The following KIF17 variants were observed in gnomAD, a reference collection of about 807,000 sequenced individuals.
KIF17 encodes the protein kinesin-like protein KIF17.
KIF17 carries 80 observed loss-of-function variants against 96.8 expected under a neutral mutation model. That is an observed-to-expected ratio of 0.83 (90% confidence interval 0.69 to 1.00). The LOEUF (loss-of-function observed/expected upper bound fraction) is 1.00. Ranked by LOEUF, KIF17 falls within the 50% of genes least tolerant of loss-of-function variation. The pLI, the probability that KIF17 is intolerant of heterozygous loss-of-function variation, is 0.00. For synonymous variants in KIF17, 567 were observed against 587.5 expected, an observed-to-expected ratio of 0.97 and a Z score of 0.51; for missense variants, 1,280 against 1,372.9, an observed-to-expected ratio of 0.93 and a Z score of 1.07.
chr1:20,683,277 A>G (rs1045310698), intron 10 of KIF17, among the ~76,000 whole-genome samples: 12 of 152,240 alleles, frequency 7.9e-5, no homozygotes, highest in Admixed American at 2.6e-4. Context: ...ACAATATTTA[A>G]TCAGGCAGGG....
chr1:20,713,628 G>T, intron 2 of KIF17, 73 bp from the exon 3 acceptor site: 1 of 1,139,648 alleles, frequency 8.8e-7, no homozygotes, highest in Non-Finnish European at 1.3e-6. Context: ...TGACCCTGGG[G>T]CCTGGGCCCT....
Position 20,687,574 on chromosome 1 carries a change from C to T in KIF17, c.1752G>A (p.Glu584=). 1 of 1,614,010 alleles carries T rather than the reference C, an allele frequency of 6.2e-7. No homozygotes were observed. The highest frequency in any genetic ancestry group is 8.5e-7 in the Non-Finnish European group (1 of 1,179,952). ...GTTCCCCCAGCAGGTGCCCAGCGGCCTCCTGCCCGAGGCACTCATCCAGGA... is the reference window on the plus strand; with the variant it reads ...GTTCCCCCAGCAGGTGCCCAGCGGCTTCCTGCCCGAGGCACTCATCCAGGA... The part of the protein sequence containing the change: ...RYFLDECLGQ[E]AAGHLLGEQN... Residue 584 remains glutamate (E), a synonymous_variant, in exon 8 of 15, where the codon GAG becomes GAA. Coordinates refer to ENST00000400463, the MANE Select transcript of KIF17 (RefSeq NM_001122819.3). This position sits in a 1 kb window ranked among gnomAD's most constrained non-coding sequence, Gnocchi z 4.4.
chr1:20,713,388 G>T, intron 3 of KIF17, 66 bp downstream of exon 3: 1 of 1,147,886 alleles, frequency 8.7e-7, no homozygotes, highest in Non-Finnish European at 1.3e-6. Flanking sequence ...ATATTTCTGA[G>T]GGAGCAGCAC....
intron 5 of KIF17, among the ~76,000 whole-genome samples, chr1:20,701,822 G>A (rs1172644797): frequency 1.3e-5 from 2 of 152,224 alleles, no homozygotes; most frequent in African/African-American, 4.8e-5. Flanking sequence ...AATGGGCCAG[G>A]ACAGGGCCTG....
In KIF17 at chr1:20,709,609, C is replaced by T. The variant is rs763216416; in HGVS notation, c.670+30G>A. 3.1e-6 allele frequency: 5 copies of T among 1,612,478 alleles called. No homozygotes were observed. The highest frequency in any genetic ancestry group is 4.2e-6 in the Non-Finnish European group (5 of 1,179,142). On this transcript the variant is annotated intron_variant, in intron 4 of 14. Coordinates refer to ENST00000400463, the MANE Select transcript of KIF17 (RefSeq NM_001122819.3). This position sits in a 1 kb window ranked among gnomAD's most constrained non-coding sequence, Gnocchi z 4.7. The stretch of plus-strand genomic sequence containing the variant: ...TAGTGGGAGTGGCTGGGTCATCTGT[C>T]CCCCTGCCCCCAACAATGGCCTCGC...
At chr1:20,715,757 C>T in intron 1 of KIF17, 118 bp from the exon 2 acceptor site, 1 of 1,214,382 alleles carries the variant, frequency 8.2e-7, no homozygotes, top group East Asian at 2.5e-5. Flanking sequence ...AACAATGGCA[C>T]TGGACTGTGG....
intron 11 of KIF17, among the ~76,000 whole-genome samples, chr1:20,681,158 T>C (rs903032138): frequency 2.0e-4 from 28 of 137,856 alleles, no homozygotes; most frequent in Non-Finnish European, 3.8e-4. Context: ...AATAAAAAAC[T>C]AAAGAGGTTA....
chr1:20,673,820 C>A (rs1274687418), intron 11 of KIF17, among the ~76,000 whole-genome samples: 1 of 152,044 alleles, frequency 6.6e-6, no homozygotes, highest in Non-Finnish European at 1.5e-5. Flanking sequence ...TGAGCCACCG[C>A]GCCCGGCCCT....
chr1:20,688,341 G>A (rs775343562), intron 7 of KIF17, among the ~76,000 whole-genome samples: 3 of 152,086 alleles, frequency 2.0e-5, no homozygotes, highest in African/African-American at 4.8e-5. Context: ...GAGCCACCGC[G>A]CCTGGCCCAA....
intron 5 of KIF17, among the ~76,000 whole-genome samples, chr1:20,703,244 G>A (rs2054274451): frequency 6.6e-6 from 1 of 151,882 alleles, no homozygotes; most frequent in Admixed American, 6.6e-5. Context: ...ATCTCTGGAT[G>A]AATAGATGAG....
In KIF17 at chr1:20,690,352, G is replaced by GGCCA; in HGVS notation, c.1234-18_1234-17insTGGC. On this transcript the variant is annotated splice_polypyrimidine_tract_variant and intron_variant, in intron 6 of 14. Coordinates refer to ENST00000400463, the MANE Select transcript of KIF17 (RefSeq NM_001122819.3). ...TTCATACTCCTGGGGGGGTGGGAGG[G>GGCCA]ACCAGAGGGCAGGCAGCATTTTATC... 3 of 451,158 alleles carry GGCCA rather than the reference G, an allele frequency of 6.6e-6. No homozygotes were observed. Among genetic ancestry groups the GGCCA allele is most frequent in the Non-Finnish European group, 1.3e-5 (3 of 235,136 alleles). The allele number at this position is 451,158 out of a possible 1,614,324, so 27.9% of individuals were successfully genotyped here.
chr1:20,717,816 T>A lies in KIF17; in HGVS notation c.-110A>T. ...AGCGCCGGCCACGGGGGGCGGGGCC[T>A]TGAGGCAGGGGCGGGGCCGCGGCGG... On this transcript the variant is annotated 5_prime_UTR_variant, in exon 1 of 15. The change creates a new upstream start codon in the 5' untranslated region. Coordinates refer to ENST00000400463, the MANE Select transcript of KIF17 (RefSeq NM_001122819.3). 1 of 1,215,688 alleles carries A rather than the reference T, an allele frequency of 8.2e-7. No individual in the cohort carries two copies. Among genetic ancestry groups the A allele is most frequent in the Non-Finnish European group, 1.0e-6 (1 of 952,876 alleles). 75.3% of individuals were successfully genotyped at this position (1,215,688 alleles called of 1,614,324 possible).
chr1:20,684,811 G>T lies in KIF17; in HGVS notation c.2229C>A (p.Ala743=). ...LPVVDQQQVL[A]RLQLLEQQVV... ...CAGCCCCATGCTCTGCTGCTTACCG[G>T]GCCAGCACCTGCTGCTGGTCCACAA... Residue 743 remains alanine, a splice_region_variant and synonymous_variant, in exon 10 of 15, where the codon GCC becomes GCA. Transcript: ENST00000400463. 1 of 1,574,622 alleles carries T rather than the reference G, an allele frequency of 6.4e-7. No individual in the cohort carries two copies. The highest frequency in any genetic ancestry group is 1.4e-5 in the African/African-American group (1 of 73,980).
At chr1:20,676,902 C>T (rs1557585393) in intron 11 of KIF17, among the ~76,000 whole-genome samples, 1 of 151,816 alleles carries the variant, frequency 6.6e-6, no homozygotes, top group Non-Finnish European at 1.5e-5. Flanking sequence ...TCTCACCTAA[C>T]AAAGTGGTAA....
intron 5 of KIF17, among the ~76,000 whole-genome samples, chr1:20,702,126 A>C (rs1419113901): frequency 2.6e-5 from 4 of 152,152 alleles, no homozygotes; most frequent in Admixed American, 1.3e-4. Context: ...CAATTTTCCC[A>C]GTTGCCTCAC....
Position 20,672,282 on chromosome 1 carries a change from C to T in KIF17, c.2464-86G>A. On this transcript the variant is annotated intron_variant, in intron 11 of 14. Coordinates refer to ENST00000400463, the MANE Select transcript of KIF17 (RefSeq NM_001122819.3). This position sits in a 1 kb window ranked among gnomAD's most constrained non-coding sequence, Gnocchi z 4.3. ...CCCTGTCCACTCACTGTCCTGCCAG[C>T]AGCCACGCATCGTCTGTTCATTGGC... is the stretch of plus-strand genomic sequence containing the variant. The T allele has an allele frequency of 1.9e-6, 3 of 1,543,818 alleles. No individual in the cohort carries two copies. The South Asian group carries it at 3.5e-5, about 18-fold the overall frequency.
intron 7 of KIF17, among the ~76,000 whole-genome samples, 155 bp downstream of exon 7, chr1:20,690,033 A>G (rs557259147): frequency 4.1e-4 from 63 of 152,334 alleles, no homozygotes; most frequent in South Asian, 2.9e-3. Context: ...CTATATAGCG[A>G]GCATAATTGT....
chr1:20,713,257 A>C (rs1394460541), intron 3 of KIF17, among the ~76,000 whole-genome samples, 197 bp downstream of exon 3: 4 of 150,802 alleles, frequency 2.7e-5, no homozygotes, highest in African/African-American at 9.7e-5. Context: ...TGGCCTCCCA[A>C]AGTGTTAGGA....
chr1:20,689,787 C>T (rs923150557), intron 7 of KIF17, among the ~76,000 whole-genome samples: 14 of 127,394 alleles, frequency 1.1e-4, no homozygotes, highest in Non-Finnish European at 1.5e-4. Context: ...AAGAGGAGAC[C>T]GGAAAACACA....
Sources: allele counts gnomAD v4.1 joint callset (sites outside exome capture counted in the v4.1 genomes callset), GRCh38; gene constraint gnomAD v4.1.1; non-coding constraint Gnocchi (gnomAD v3.1); transcripts MANE v1.5; gene names NCBI Gene and HGNC (gene_info 2026-07-23, HGNC 2026-07-21).